ABI1: variants seen among roughly 807,000 people sequenced by gnomAD.
ABI1 encodes the protein Abelson interactor 1.
A neutral mutation model predicts 54.6 loss-of-function variants in ABI1; 14 were observed. The observed-to-expected ratio is 0.26, with a 90% CI of 0.17 to 0.40. The LOEUF is 0.40. Among genes scored for constraint, ABI1 ranks in the 10% least tolerant of loss-of-function variants. The probability of loss-of-function intolerance (pLI) is 1.00; values close to 1 mark genes in which losing one functional copy is unlikely to be tolerated. For synonymous variants in ABI1, 194 were observed against 209.3 expected (o/e 0.93, Z 0.63); for missense variants, 443 against 598.3 (o/e 0.74, Z 2.71).
chr10:26,778,101 A>G (rs1841654301), intron 2 of ABI1, among the ~76,000 whole-genome samples: 1 of 152,108 alleles, frequency 6.6e-6, no homozygotes, highest in African/African-American at 2.4e-5. Flanking sequence ...AGAGAGAATA[A>G]CATCCTGCAG....
chr10:26,750,394 T>C (rs747469833), intron 10 of ABI1, among the ~76,000 whole-genome samples: 1 of 152,124 alleles, frequency 6.6e-6, no homozygotes, highest in Non-Finnish European at 1.5e-5. Flanking sequence ...CTTAAGAGGC[T>C]GAGGCAGGAG....
At chr10:26,851,348 ATTTTTTTTTTTTT>A (rs397724445) in intron 1 of ABI1, among the ~76,000 whole-genome samples, 7 of 67,816 alleles carry the variant, frequency 1.0e-4, no homozygotes, top group African/African-American at 1.9e-4. Context: ...GACTAAGCTA[ATTTTTTTTTTTTT>A]TTTTTTTTTT....
chr10:26,791,068 CAAAAAA>C (rs369738380), intron 2 of ABI1, among the ~76,000 whole-genome samples: 2 of 59,138 alleles, frequency 3.4e-5, no homozygotes, highest in Non-Finnish European at 6.7e-5. Flanking sequence ...GATTCCGTCT[CAAAAAA>C]AAAAAAAAAA....
intron 1 of ABI1, among the ~76,000 whole-genome samples, chr10:26,838,471 G>C (rs1187542642): frequency 6.6e-6 from 1 of 152,184 alleles, no homozygotes; most frequent in Non-Finnish European, 1.5e-5. Context: ...GTTTAAAGGT[G>C]AGTAAGCCTA....
At chr10:26,778,014 G>A (rs558798608) in intron 2 of ABI1, among the ~76,000 whole-genome samples, 5 of 151,996 alleles carry the variant, frequency 3.3e-5, no homozygotes, top group African/African-American at 1.2e-4. Flanking sequence ...GCTTTACAGA[G>A]TAGGTACCTA....
In ABI1 at chr10:26,748,017, G is replaced by A. The variant is rs542093380; in HGVS notation, c.*553C>T. Reference sequence around the variant, plus strand: ...TGGAGACCTTGGAGACTCAATTCACGTTAAGACACCTAAGTACGAGTCCTC... The same window carrying A: ...TGGAGACCTTGGAGACTCAATTCACATTAAGACACCTAAGTACGAGTCCTC... On this transcript the variant is annotated 3_prime_UTR_variant, in exon 11 of 11. Coordinates refer to ENST00000376140, the MANE Select transcript of ABI1 (RefSeq NM_001012750.3). 6.3e-4 allele frequency: 128 copies of A among 203,084 alleles called. No homozygotes were observed. The highest frequency in any genetic ancestry group is 1.3e-3 in the Admixed American group (22 of 16,714). The allele number at this position is 203,084 out of a possible 1,614,324, so 12.6% of individuals were successfully genotyped here.
intron 1 of ABI1, among the ~76,000 whole-genome samples, chr10:26,835,621 C>A (rs2049014070): frequency 1.2e-5 from 1 of 84,116 alleles, no homozygotes; most frequent in South Asian, 6.5e-4. Context: ...TAAATACACA[C>A]ACACACACAC....
rs1205298890 is a variant in ABI1 at position 26,768,890 on chromosome 10, G to C, written c.681C>G (p.Gly227=). The change falls in exon 6 of 11, where the codon GGC becomes GGG. Residue 227 remains glycine, a synonymous_variant. Coordinates refer to ENST00000376140, the MANE Select transcript of ABI1 (RefSeq NM_001012750.3). ...GTCTCTGATTTAAAGATGCTGTCCT[G>C]CCTGGACTATGCTGACTTCCAAGCC... The part of the protein sequence containing the change: ...PARLGSQHSP[G]RTASLNQRPR... 1.2e-6 allele frequency: 2 copies of C among 1,613,586 alleles called. No homozygotes were observed. The highest frequency in any genetic ancestry group is 1.7e-6 in the Non-Finnish European group (2 of 1,179,750).
At chr10:26,817,354 G>T (rs895986505) in intron 2 of ABI1, among the ~76,000 whole-genome samples, 3 of 152,048 alleles carry the variant, frequency 2.0e-5, no homozygotes, top group African/African-American at 7.2e-5. Flanking sequence ...CATTGTGCAA[G>T]TCCTCAAGAA....
chr10:26,822,831 C>G (rs905513110), intron 2 of ABI1, among the ~76,000 whole-genome samples: 1 of 152,000 alleles, frequency 6.6e-6, no homozygotes, highest in Admixed American at 6.6e-5. Context: ...TCTTTATGTA[C>G]AAATAACTTT....
intron 2 of ABI1, among the ~76,000 whole-genome samples, chr10:26,809,828 G>A (rs113458396): frequency 0.034 from 5,174 of 152,218 alleles, 122 homozygotes; most frequent in Non-Finnish European, 0.05. Flanking sequence ...TGGTGAACAC[G>A]CTGATGAGCA....
intron 2 of ABI1, among the ~76,000 whole-genome samples, chr10:26,816,790 T>A (rs1399156743): frequency 1.3e-5 from 2 of 152,158 alleles, no homozygotes; most frequent in African/African-American, 4.8e-5. Flanking sequence ...ACAACCATAA[T>A]TTTACCCATT....
intron 1 of ABI1, among the ~76,000 whole-genome samples, chr10:26,837,821 C>G (rs375471724): frequency 0.23 from 33,191 of 142,248 alleles, 4,530 homozygotes; most frequent in South Asian, 0.4. Context: ...CCTCATGTTG[C>G]CCAGGCTGGT....
chr10:26,755,795 G>A, intron 8 of ABI1, 54 bp from the exon 9 acceptor site: 4 of 1,300,830 alleles, frequency 3.1e-6, no homozygotes, highest in South Asian at 2.7e-5. Flanking sequence ...GAAAGAAAAG[G>A]AAACAAACAA....
At chr10:26,801,644 G>A (rs2046571492) in intron 2 of ABI1, among the ~76,000 whole-genome samples, 1 of 152,030 alleles carries the variant, frequency 6.6e-6, no homozygotes. Context: ...AAAATAAAAA[G>A]CTCTTTTGTC....
intron 1 of ABI1, among the ~76,000 whole-genome samples, chr10:26,857,409 G>T (rs1477631234): frequency 1.2e-4 from 18 of 150,722 alleles, no homozygotes; most frequent in African/African-American, 4.4e-4. Context: ...GGGAGGCCAA[G>T]GCAGGCAGAC....
intron 3 of ABI1, among the ~76,000 whole-genome samples, chr10:26,772,254 A>G (rs998869661): frequency 6.6e-6 from 1 of 152,018 alleles, no homozygotes; most frequent in Non-Finnish European, 1.5e-5. Context: ...TGAGTATAAC[A>G]TTATTAGGAT....
rs780753636 is a variant in ABI1 at position 26,860,908 on chromosome 10, G to A, written c.-45C>T. The A allele has an allele frequency of 4.4e-6, 7 of 1,575,480 alleles. No individual in the cohort carries two copies. The highest frequency in any genetic ancestry group is 6.1e-6 in the Non-Finnish European group (7 of 1,146,338). On this transcript the variant is annotated 5_prime_UTR_variant, in exon 1 of 11. Coordinates refer to ENST00000376140, the MANE Select transcript of ABI1 (RefSeq NM_001012750.3). This position sits in a 1 kb window ranked among gnomAD's most constrained non-coding sequence, Gnocchi z 4.1. The stretch of plus-strand genomic sequence containing the variant: ...CTTCCTCTCGCGTTAAAGAGACAGA[G>A]GCAGCAAGGTCCGCCGAGGCTCCGA...
At position 26,860,493 on chromosome 10, in the gene ABI1, C is replaced by T. The variant is rs4749193; in HGVS notation, c.117+254G>A. 0.088 allele frequency among the ~76,000 whole-genome samples: 13,397 copies of T among 152,200 alleles called. 621 individuals carry two copies. Among genetic ancestry groups the T allele is most frequent in the East Asian group, 0.17 (873 of 5,148 alleles). On this transcript the variant is annotated intron_variant, in intron 1 of 10. Transcript: ENST00000376140. The surrounding 1 kb of genome is among the most constrained non-coding windows in gnomAD (Gnocchi z 4.1). ...CCGGGCTGCGGCAGCGGCGGGCTCC[C>T]GGCTCCCTCGCCCATTTTCTCTCTC...
Sources: allele counts gnomAD v4.1 joint callset (sites outside exome capture counted in the v4.1 genomes callset), GRCh38; gene constraint gnomAD v4.1.1; non-coding constraint Gnocchi (gnomAD v3.1); transcripts MANE v1.5; gene names NCBI Gene and HGNC (gene_info 2026-07-23, HGNC 2026-07-21).